The following PSEN1 variants were observed in gnomAD, a reference collection of about 807,000 sequenced individuals.
The protein encoded by PSEN1 is presenilin 1, also known as presenilin-1.
PSEN1 carries 15 observed loss-of-function variants against 53.5 expected under a neutral mutation model. That is an observed-to-expected ratio of 0.28 (90% CI 0.19 to 0.43). The LOEUF (loss-of-function observed/expected upper bound fraction) is 0.43, where lower values mean the gene tolerates loss of function less well. Ranked by LOEUF, PSEN1 falls within the 20% of genes least tolerant of loss-of-function variation. The pLI is 1.00. For missense variants in PSEN1, 387 were observed against 571.2 expected (o/e 0.68, Z 3.29); for synonymous variants, 208 against 209.8 (o/e 0.99, Z 0.08).
intron 3 of PSEN1, among the ~76,000 whole-genome samples, chr14:73,159,529 A>G (rs992129648): frequency 2.2e-4 from 34 of 152,290 alleles, no homozygotes; most frequent in African/African-American, 7.9e-4. Flanking sequence ...GTATGGATCA[A>G]AGTTCATTTT....
chr14:73,150,030 C>T, intron 3 of PSEN1, among the ~76,000 whole-genome samples: 1 of 152,138 alleles, frequency 6.6e-6, no homozygotes, highest in East Asian at 1.9e-4. Context: ...AGTCAGAGAG[C>T]TGAAGTTGTG....
At chr14:73,198,281 A>T in intron 8 of PSEN1, 152 bp downstream of exon 8, 2 of 638,574 alleles carry the variant, frequency 3.1e-6, no homozygotes, top group Non-Finnish European at 5.6e-6. Flanking sequence ...TTTCCTTGCA[A>T]GCAATTGTCT....
In PSEN1 at chr14:73,220,833, G is replaced by A. The variant is rs985164217; in HGVS notation, c.*1544G>A. On this transcript the variant is annotated 3_prime_UTR_variant, in exon 12 of 12. Coordinates refer to ENST00000324501, the MANE Select transcript of PSEN1 (RefSeq NM_000021.4). ...AACACACAAACAGCCATCAGCCTGTGTGGGCTCAGGGCACCTCTGGACAAA... is the reference window on the plus strand; with the variant it reads ...AACACACAAACAGCCATCAGCCTGTATGGGCTCAGGGCACCTCTGGACAAA... 2 of 152,330 alleles carry A rather than the reference G, an allele frequency of 1.3e-5. No homozygotes were observed. The highest frequency in any genetic ancestry group is 2.9e-5 in the Non-Finnish European group (2 of 68,166). 9.4% of individuals were successfully genotyped at this position (152,330 alleles called of 1,614,324 possible). A position where few individuals can be genotyped will look rare whatever the true frequency, so the allele number is the denominator to read the frequency against.
In PSEN1 at chr14:73,173,572, T is replaced by C. The variant is rs201363471; in HGVS notation, c.345T>C (p.Tyr115=). ...FYTRKDGQLI[Y]TPFTEDTETV... ...TGTGTTTGTTTTATTGTAGAATCTA[T>C]ACCCCATTCACAGAAGATACCGAGA... The change falls in exon 5 of 12, where the codon TAT becomes TAC. Residue 115 remains tyrosine, a synonymous_variant. Coordinates refer to ENST00000324501, the MANE Select transcript of PSEN1 (RefSeq NM_000021.4). 2.5e-5 allele frequency: 40 copies of C among 1,614,110 alleles called. No individual in the cohort carries two copies. The highest frequency in any genetic ancestry group is 3.4e-5 in the Non-Finnish European group (40 of 1,179,920).
chr14:73,214,962 TTTA>T (rs1358774702), intron 10 of PSEN1, among the ~76,000 whole-genome samples: 1 of 151,966 alleles, frequency 6.6e-6, no homozygotes, highest in Non-Finnish European at 1.5e-5. Context: ...CAGTTAAATT[TTTA>T]TTATTTTTTT....
At chr14:73,216,189 C>T (rs1899905785) in intron 10 of PSEN1, among the ~76,000 whole-genome samples, 1 of 152,090 alleles carries the variant, frequency 6.6e-6, no homozygotes, top group Non-Finnish European at 1.5e-5. Context: ...ATAGGCGAGG[C>T]ATGTATTGTA....
At chr14:73,199,890 C>T (rs549701546) in intron 8 of PSEN1, among the ~76,000 whole-genome samples, 2 of 152,190 alleles carry the variant, frequency 1.3e-5, no homozygotes, top group African/African-American at 2.4e-5. Context: ...GGATTACAGG[C>T]GTGTGCCACC....
intron 6 of PSEN1, among the ~76,000 whole-genome samples, chr14:73,188,845 A>G (rs1898611928): frequency 1.3e-5 from 2 of 152,074 alleles, no homozygotes; most frequent in South Asian, 2.1e-4. Context: ...CTGGAGTGCA[A>G]TGGTGTGATC....
At chr14:73,138,914 C>T (rs1896830722) in intron 1 of PSEN1, among the ~76,000 whole-genome samples, 1 of 149,618 alleles carries the variant, frequency 6.7e-6, no homozygotes, top group Admixed American at 6.7e-5. Context: ...TTGCAGTGAG[C>T]GGAGATCGCG....
At chr14:73,184,725 G>A (rs1357109507) in intron 5 of PSEN1, among the ~76,000 whole-genome samples, 216 of 150,422 alleles carry the variant, frequency 1.4e-3, no homozygotes, top group African/African-American at 4.8e-3. Context: ...CGGATGGGGC[G>A]GCTGGCCTGG....
intron 3 of PSEN1, among the ~76,000 whole-genome samples, chr14:73,152,414 A>G (rs1897255440): frequency 6.8e-6 from 1 of 147,994 alleles, no homozygotes; most frequent in South Asian, 2.2e-4. Flanking sequence ...AGCCTGGCCA[A>G]CATGGTGAAA....
intron 5 of PSEN1, among the ~76,000 whole-genome samples, chr14:73,178,872 T>C (rs374118745): frequency 4.6e-5 from 7 of 152,266 alleles, no homozygotes; most frequent in African/African-American, 1.4e-4. Flanking sequence ...GCCTTTGCAG[T>C]GTTGCTCAGA....
intron 3 of PSEN1, among the ~76,000 whole-genome samples, chr14:73,165,231 C>T (rs1897674405): frequency 6.6e-6 from 1 of 152,120 alleles, no homozygotes; most frequent in African/African-American, 2.4e-5. Context: ...GCTGGGATTA[C>T]AGGCATGAGC....
rs532437215 is a variant in PSEN1 at position 73,153,628 on chromosome 14, T to C, written c.87+5522T>C. 1.7e-4 allele frequency among the ~76,000 whole-genome samples: 26 copies of C among 151,764 alleles called. 2 individuals are homozygous for C. In the South Asian group the frequency reaches 5.2e-3, roughly 30 times the overall value. On this transcript the variant is annotated intron_variant, in intron 3 of 11. Transcript: ENST00000324501. ...GAGCAGGCTTAGAGCCCCACATTTG[T>C]CATTGTAGAAATTCAAACAATATCC...
At chr14:73,189,558 G>A (rs1311845882) in intron 6 of PSEN1, among the ~76,000 whole-genome samples, 1 of 152,100 alleles carries the variant, frequency 6.6e-6, no homozygotes, top group Non-Finnish European at 1.5e-5. Flanking sequence ...GTTGCTGTGA[G>A]CCGAGATCGC....
chr14:73,190,756 ATGGGGCACAG>A (rs987066740), intron 6 of PSEN1, among the ~76,000 whole-genome samples: 10 of 152,198 alleles, frequency 6.6e-5, no homozygotes, highest in Non-Finnish European at 1.3e-4. Flanking sequence ...GAGGGGAACC[ATGGGGCACAG>A]TGGGGAGAAA....
chr14:73,147,381 T>TTATC (rs1420470500), intron 1 of PSEN1: 3 of 154,444 alleles, frequency 1.9e-5, no homozygotes, highest in African/African-American at 7.2e-5. Context: ...AATAAGCATG[T>TTATC]TATCTGTCCG....
rs869044994 is a variant in PSEN1, at chr14:73,182,323, GA to G, written c.481-4518del. 6.8e-3 allele frequency among the ~76,000 whole-genome samples: 952 copies of G among 140,960 alleles called. 16 individuals are homozygous for G. Among genetic ancestry groups the G allele is most frequent in the African/African-American group, 0.023 (868 of 38,490 alleles). The allele number at this position is 140,960 out of a possible 152,430, so 92.5% of individuals were successfully genotyped here. A position where few individuals can be genotyped will look rare whatever the true frequency, so the allele number is the denominator to read the frequency against. On this transcript the variant is annotated intron_variant, in intron 5 of 11. Transcript: ENST00000324501. ...AGTGAGACCCCCACCTCTACAAAAA[GA>G]AAAAAAAAAAATTAAAAAATTAGCC...
At position 73,221,458 on chromosome 14, in the gene PSEN1, T is replaced by G. The variant is rs758415163; in HGVS notation, c.*2169T>G. ...TTCTCTGAAGAGGGTACGTGGGGTG[T>G]GTGTATTTAAATCCATCCTATGTAT... On this transcript the variant is annotated 3_prime_UTR_variant, in exon 12 of 12. Coordinates refer to ENST00000324501, the MANE Select transcript of PSEN1 (RefSeq NM_000021.4). 2.0e-4 allele frequency: 31 copies of G among 152,204 alleles called. No homozygotes were observed. Among genetic ancestry groups the G allele is most frequent in the Non-Finnish European group, 4.3e-4 (29 of 68,032 alleles). 9.4% of individuals were successfully genotyped at this position (152,204 alleles called of 1,614,324 possible).
Sources: gnomAD v4.1 joint callset for allele counts (sites outside exome capture counted in the v4.1 genomes callset) on GRCh38, gnomAD v4.1.1 for gene constraint, MANE v1.5 for transcripts, NCBI Gene and HGNC (gene_info 2026-07-23, HGNC 2026-07-21) for gene names.